Variants in RREB1 observed in about 807,000 individuals in gnomAD.
RREB1 encodes the protein ras-responsive element-binding protein 1.
In RREB1, 27 loss-of-function variants were observed where a neutral mutation model predicts 117.8. That is an observed-to-expected ratio of 0.23 (90% CI 0.17 to 0.32). The LOEUF (loss-of-function observed/expected upper bound fraction) is 0.32. RREB1 is among the 10% of genes least tolerant of loss of function. The probability of loss-of-function intolerance (pLI) is 1.00; values close to 1 mark genes in which losing one functional copy is unlikely to be tolerated. For synonymous variants in RREB1, 1,298 were observed against 1,026.7 expected (o/e 1.26, Z -5.05); for missense variants, 2,577 against 2,378.2 (o/e 1.08, Z -1.74).
chr6:7,156,302 GGT>G (rs1763359062), intron 1 of RREB1, among the ~76,000 whole-genome samples: 1 of 152,160 alleles, frequency 6.6e-6, no homozygotes, highest in East Asian at 1.9e-4. Flanking sequence ...CTTCAGCAGA[GGT>G]GTAGATAATT....
chr6:7,167,419 T>C (rs1390544794), intron 1 of RREB1, among the ~76,000 whole-genome samples: 1 of 149,952 alleles, frequency 6.7e-6, no homozygotes, highest in Non-Finnish European at 1.5e-5. Context: ...AATGGCACTA[T>C]CTTGGTTCAC....
At chr6:7,247,290 C>G (rs1378783903) in intron 12 of RREB1, 69 bp downstream of exon 12, 3 of 1,440,842 alleles carry the variant, frequency 2.1e-6, no homozygotes, top group Non-Finnish European at 2.8e-6. Flanking sequence ...CTAGGAGCTC[C>G]CCTGAAGCGG....
chr6:7,163,204 C>T (rs968234593), intron 1 of RREB1, among the ~76,000 whole-genome samples: 6 of 152,180 alleles, frequency 3.9e-5, no homozygotes, highest in East Asian at 1.9e-4. Flanking sequence ...ACATATTTAC[C>T]GTGGCCAGGT....
chr6:7,230,489 C>A lies in RREB1; in HGVS notation c.2390C>A (p.Ala797Asp). Residue 797 changes from alanine (A) to aspartate (D), a missense_variant, in exon 10 of 13, where the codon GCC (alanine) becomes GAC (aspartate). Transcript: ENST00000379938. The stretch of plus-strand genomic sequence containing the variant: ...CCCTTCGAGTGCAAGGAGTGCAGCG[C>A]CGCGTTCGCGGCCAAGCGCAACTGC... ...RKPFECKECSAAFAAKRNCIH... is the reference protein window; with the variant it reads ...RKPFECKECSDAFAAKRNCIH... The A allele has an allele frequency of 1.3e-6, 2 of 1,594,190 alleles. No individual in the cohort carries two copies. Among genetic ancestry groups the A allele is most frequent in the Non-Finnish European group, 1.7e-6 (2 of 1,177,174 alleles).
intron 1 of RREB1, among the ~76,000 whole-genome samples, chr6:7,129,277 G>A (rs1762060386): frequency 6.6e-6 from 1 of 152,226 alleles, no homozygotes; most frequent in African/African-American, 2.4e-5. Context: ...GTAATTTGGT[G>A]TTGAGGAAGG....
In RREB1 at chr6:7,198,453, A is replaced by G. The variant is rs543657645; in HGVS notation, c.425+9131A>G. Among the ~76,000 whole-genome samples the G allele has an allele frequency of 9.2e-5, 14 of 152,372 alleles. No individual in the cohort carries two copies. The South Asian group carries it at 2.5e-3, about 27-fold the overall frequency. On this transcript the variant is annotated intron_variant, in intron 6 of 12. Transcript: ENST00000379938. ...TACATCCAAGGGGGAAGGACAAATC[A>G]AAAGCAAATGTCCTTCAGGGATGCT...
chr6:7,228,845 C>CTA, intron 9 of RREB1, 152 bp from the exon 10 acceptor site: 1 of 633,362 alleles, frequency 1.6e-6, no homozygotes, highest in Non-Finnish European at 2.3e-6. Context: ...CGGGATCTTG[C>CTA]TATATTGCCC....
At chr6:7,201,241 G>A (rs1364320542) in intron 6 of RREB1, among the ~76,000 whole-genome samples, 2 of 152,142 alleles carry the variant, frequency 1.3e-5, no homozygotes, top group East Asian at 1.9e-4. Flanking sequence ...TTCATAACTC[G>A]AAAGTAGCAA....
intron 10 of RREB1, among the ~76,000 whole-genome samples, chr6:7,238,249 T>C (rs1768467945): frequency 6.6e-6 from 1 of 152,220 alleles, no homozygotes; most frequent in Non-Finnish European, 1.5e-5. Context: ...TTCATTTTAT[T>C]TTATTTTTGA....
intron 8 of RREB1, chr6:7,214,438 G>A (rs1180183635): frequency 1.3e-5 from 2 of 152,204 alleles, no homozygotes; most frequent in Admixed American, 1.3e-4. Context: ...GGGGCACACA[G>A]GCCACCCCTG....
rs1383920194 is a variant in RREB1 at position 7,248,861 on chromosome 6, A to T, written c.5122A>T (p.Ser1708Cys). Residue 1708 changes from serine (S) to cysteine (C), a missense_variant, in exon 13 of 13, where the codon AGC (serine) becomes TGC (cysteine). Transcript: ENST00000379938. ...EPGQGDLNPESPAALGQDLLE... is the reference protein window; with the variant it reads ...EPGQGDLNPECPAALGQDLLE... ...TGGCCAGGGTGACCTTAACCCAGAG[A>T]GCCCGGCGGCCCTGGGGCAGGACCT... The T allele has an allele frequency of 1.2e-6, 2 of 1,602,214 alleles. No homozygotes were observed. The highest frequency in any genetic ancestry group is 1.7e-6 in the Non-Finnish European group (2 of 1,174,830).
At chr6:7,244,145 C>T (rs1166338965) in intron 11 of RREB1, among the ~76,000 whole-genome samples, 1 of 151,954 alleles carries the variant, frequency 6.6e-6, no homozygotes, top group African/African-American at 2.4e-5. Context: ...CACCTGTAAT[C>T]CCAGCTACTT....
chr6:7,211,612 G>C lies in RREB1; in HGVS notation c.610G>C (p.Ala204Pro). The change falls in exon 8 of 13, where the codon GCT becomes CCT. Residue 204 changes from alanine to proline, a missense_variant. Coordinates refer to ENST00000379938, the MANE Select transcript of RREB1 (RefSeq NM_001003699.4). ...GCAGTCAGGTGACTTGGAGAAGAAAGCTGATGAAGTCTTTCACTGCCCAGT... is the reference window on the plus strand; with the variant it reads ...GCAGTCAGGTGACTTGGAGAAGAAACCTGATGAAGTCTTTCACTGCCCAGT... ...DGQSGDLEKK[A>P]DEVFHCPVCF... The C allele has an allele frequency of 6.2e-7, 1 of 1,614,104 alleles. No homozygotes were observed. Among genetic ancestry groups the C allele is most frequent in the Non-Finnish European group, 8.5e-7 (1 of 1,179,936 alleles).
intron 8 of RREB1, among the ~76,000 whole-genome samples, chr6:7,225,540 G>A (rs956042833): frequency 1.3e-5 from 2 of 152,084 alleles, no homozygotes; most frequent in African/African-American, 4.8e-5. Flanking sequence ...AGACAATACT[G>A]GTCTGAAAAG....
At chr6:7,189,556 C>A (rs1447182317) in intron 6 of RREB1, among the ~76,000 whole-genome samples, 1 of 152,140 alleles carries the variant, frequency 6.6e-6, no homozygotes, top group Non-Finnish European at 1.5e-5. Context: ...AGAGTCATTT[C>A]CCCTCTGCCA....
chr6:7,226,138 C>A (rs572358952), intron 8 of RREB1, among the ~76,000 whole-genome samples: 10 of 152,280 alleles, frequency 6.6e-5, no homozygotes, highest in African/African-American at 1.4e-4. Flanking sequence ...AATGCCTGAT[C>A]GAGGCGAGAG....
chr6:7,116,570 A>C (rs1390615302), intron 1 of RREB1, among the ~76,000 whole-genome samples: 1 of 152,236 alleles, frequency 6.6e-6, no homozygotes. Flanking sequence ...TACAAAAATG[A>C]GAGTTTCTGA....
intron 1 of RREB1, among the ~76,000 whole-genome samples, chr6:7,120,735 CT>C (rs1761640834): frequency 6.6e-6 from 1 of 151,428 alleles, no homozygotes; most frequent in Admixed American, 6.6e-5. Flanking sequence ...CAGCCTCGAC[CT>C]CGTGGGCCCA....
intron 10 of RREB1, 102 bp from the exon 11 acceptor site, chr6:7,240,336 G>A: frequency 1.2e-6 from 1 of 823,342 alleles, no homozygotes; most frequent in Non-Finnish European, 1.9e-6. Context: ...ATGGAGGAGG[G>A]GGGAACAACT....
Sources: allele counts gnomAD v4.1 joint callset (sites outside exome capture counted in the v4.1 genomes callset), GRCh38; gene constraint gnomAD v4.1.1; transcripts MANE v1.5; gene names NCBI Gene and HGNC (gene_info 2026-07-23, HGNC 2026-07-21).